The following RIMBP2 variants were observed in gnomAD, a reference collection of about 807,000 sequenced individuals.
RIMBP2 encodes the protein RIMS binding protein 2, also known as RIMS-binding protein 2.
A neutral mutation model predicts 118.6 loss-of-function variants in RIMBP2; 48 were observed. That is an observed-to-expected ratio of 0.40 (90% CI 0.32 to 0.51). RIMBP2 has a LOEUF of 0.51. Ranked by LOEUF, RIMBP2 falls within the 20% of genes least tolerant of loss-of-function variation. The probability of loss-of-function intolerance (pLI) is 0.41; values close to 1 mark genes in which losing one functional copy is unlikely to be tolerated. For missense variants in RIMBP2, 1,551 were observed against 1,768.3 expected (o/e 0.88, Z 2.20); for synonymous variants, 762 against 742.9 (o/e 1.03, Z -0.42).
chr12:130,651,058 T>C lies in RIMBP2; in HGVS notation c.-351-22602A>G, dbSNP rs144665750. ...GCTGAGAAAGCTTCCGAGCCACTTA[T>C]TTCTGTTGAGAATGAAGAACTACAG... On this transcript the variant is annotated intron_variant, in intron 1 of 22. Coordinates refer to ENST00000690449, the MANE Select transcript of RIMBP2 (RefSeq NM_001393629.1). Among the ~76,000 whole-genome samples the C allele has an allele frequency of 2.5e-3, 378 of 152,104 alleles. 3 individuals are homozygous for C. The highest frequency in any genetic ancestry group is 1.9e-3 in the Non-Finnish European group (131 of 67,994).
chr12:130,682,126 T>C (rs1007780276), intron 1 of RIMBP2, among the ~76,000 whole-genome samples: 4 of 152,178 alleles, frequency 2.6e-5, no homozygotes, highest in Non-Finnish European at 4.4e-5. Flanking sequence ...CTCCCAGCCC[T>C]TGTCCCGTAT....
chr12:130,618,742 TA>T (rs1440379040), intron 2 of RIMBP2, among the ~76,000 whole-genome samples: 2 of 152,084 alleles, frequency 1.3e-5, no homozygotes, highest in African/African-American at 4.8e-5. Flanking sequence ...GTAATGTAAA[TA>T]ATCTTAAAGT....
At chr12:130,439,841 ATC>A (rs2077957094) in intron 11 of RIMBP2, among the ~76,000 whole-genome samples, 5 of 62,874 alleles carry the variant, frequency 8.0e-5, no homozygotes, top group African/African-American at 1.4e-4. Context: ...GTGTATGTGT[ATC>A]TGTGAGTCTG....
At chr12:130,474,186 G>A (rs929576334) in intron 5 of RIMBP2, among the ~76,000 whole-genome samples, 10 of 152,112 alleles carry the variant, frequency 6.6e-5, no homozygotes. Flanking sequence ...GTGGACCACG[G>A]GCATGTTAGC....
Position 130,442,766 on chromosome 12 carries a change from G to C in RIMBP2, c.692-106C>G. The C allele has an allele frequency of 3.2e-6, 3 of 934,214 alleles. No homozygotes were observed. The highest frequency in any genetic ancestry group is 4.8e-6 in the Non-Finnish European group (3 of 629,612). 57.9% of individuals were successfully genotyped at this position (934,214 alleles called of 1,614,324 possible). On this transcript the variant is annotated intron_variant, in intron 10 of 22. Coordinates refer to ENST00000690449, the MANE Select transcript of RIMBP2 (RefSeq NM_001393629.1). The surrounding 1 kb of genome is among the most constrained non-coding windows in gnomAD (Gnocchi z 6.9). ...ACCAGGACCATAAGGCAGAGCAACA[G>C]GGTTGCCCTGGGGCTCCTCCGCTGT...
At chr12:130,530,811 G>A (rs2053291768) in intron 2 of RIMBP2, among the ~76,000 whole-genome samples, 2 of 152,154 alleles carry the variant, frequency 1.3e-5, no homozygotes. Context: ...TTCCAACCTA[G>A]GGGTTTTTCT....
chr12:130,486,323 CCT>C (rs781504478), intron 4 of RIMBP2, among the ~76,000 whole-genome samples: 29 of 151,690 alleles, frequency 1.9e-4, no homozygotes, highest in East Asian at 7.8e-4. Context: ...GGTCTCTCCC[CCT>C]GACCTCTGCA....
At chr12:130,526,553 G>C (rs982206526) in intron 2 of RIMBP2, among the ~76,000 whole-genome samples, 1 of 152,144 alleles carries the variant, frequency 6.6e-6, no homozygotes, top group Non-Finnish European at 1.5e-5. Context: ...GCGAGTTTGG[G>C]TTTTGAATTT....
intron 16 of RIMBP2, among the ~76,000 whole-genome samples, chr12:130,423,656 C>CAAAAAAA (rs36000671): frequency 4.0e-5 from 2 of 50,130 alleles, no homozygotes; most frequent in Non-Finnish European, 7.0e-5. Context: ...AAACAATATG[C>CAAAAAAA]AAAAAAAAAA....
chr12:130,468,879 G>GC (rs1209393165), intron 6 of RIMBP2: 4 of 152,218 alleles, frequency 2.6e-5, no homozygotes, highest in African/African-American at 9.7e-5. Flanking sequence ...GACGGGAAGA[G>GC]CCATGTGTCT....
intron 2 of RIMBP2, among the ~76,000 whole-genome samples, chr12:130,614,685 G>A (rs2060790181): frequency 6.6e-6 from 1 of 152,148 alleles, no homozygotes; most frequent in South Asian, 2.1e-4. Context: ...TTGCAGGTCT[G>A]CAGAGGAACA....
Position 130,422,589 on chromosome 12 carries a change from A to T in RIMBP2, c.3130-28T>A, listed in dbSNP as rs752075716. The T allele has an allele frequency of 1.3e-6, 2 of 1,504,278 alleles. No individual in the cohort carries two copies. The highest frequency in any genetic ancestry group is 4.6e-5 in the East Asian group (2 of 43,246). 93.2% of individuals were successfully genotyped at this position (1,504,278 alleles called of 1,614,324 possible). A position where few individuals can be genotyped will look rare whatever the true frequency, so the allele number is the denominator to read the frequency against. On this transcript the variant is annotated intron_variant, in intron 16 of 22. Coordinates refer to ENST00000690449, the MANE Select transcript of RIMBP2 (RefSeq NM_001393629.1). This position sits in a 1 kb window ranked among gnomAD's most constrained non-coding sequence, Gnocchi z 5.2. ...AAAGACAAAACAACAACAAAGTCGT[A>T]AGTCTCGCCAGCATTGGGAACTGAA... is the stretch of plus-strand genomic sequence containing the variant.
chr12:130,447,995 C>A lies in RIMBP2; in HGVS notation c.581+2205G>T, dbSNP rs1158940136. Among the ~76,000 whole-genome samples, 1 of 152,066 alleles carries A rather than the reference C, an allele frequency of 6.6e-6. No individual in the cohort carries two copies. Among genetic ancestry groups the A allele is most frequent in the Non-Finnish European group, 1.5e-5 (1 of 68,004 alleles). ...GGCAGAAAACATAACCCCCTCCCTACATCTACCTGCAAAGCCACCTCTTAG... is the reference window on the plus strand; with the variant it reads ...GGCAGAAAACATAACCCCCTCCCTAAATCTACCTGCAAAGCCACCTCTTAG... On this transcript the variant is annotated intron_variant, in intron 9 of 22. Transcript: ENST00000690449. This position sits in a 1 kb window ranked among gnomAD's most constrained non-coding sequence, Gnocchi z 4.4.
chr12:130,585,260 G>A (rs2058809619), intron 2 of RIMBP2, among the ~76,000 whole-genome samples: 1 of 152,118 alleles, frequency 6.6e-6, no homozygotes, highest in Admixed American at 6.5e-5. Context: ...GAGTGAGAAG[G>A]GGAGGGTCCT....
chr12:130,714,160 G>A (rs1950162112), intron 1 of RIMBP2, among the ~76,000 whole-genome samples: 1 of 152,342 alleles, frequency 6.6e-6, no homozygotes, highest in South Asian at 2.1e-4. Flanking sequence ...AATGGAAAGC[G>A]AAGCAAGCTC....
At chr12:130,463,905 A>G (rs2080226727) in intron 6 of RIMBP2, among the ~76,000 whole-genome samples, 1 of 151,532 alleles carries the variant, frequency 6.6e-6, no homozygotes, top group Admixed American at 6.6e-5. Flanking sequence ...AAGATGGCAA[A>G]GAGAGTGACC....
At chr12:130,500,090 T>C (rs896025707) in intron 4 of RIMBP2, among the ~76,000 whole-genome samples, 1 of 152,184 alleles carries the variant, frequency 6.6e-6, no homozygotes, top group Non-Finnish European at 1.5e-5. Context: ...AATCTGTATA[T>C]CTGGACATAC....
intron 3 of RIMBP2, among the ~76,000 whole-genome samples, chr12:130,515,879 G>T (rs1216445051): frequency 6.6e-6 from 1 of 151,976 alleles, no homozygotes; most frequent in Non-Finnish European, 1.5e-5. Context: ...TGTATTTTTA[G>T]TAGAGATGGG....
chr12:130,423,236 G>A (rs1266538944), intron 16 of RIMBP2, among the ~76,000 whole-genome samples: 1 of 152,196 alleles, frequency 6.6e-6, no homozygotes, highest in Non-Finnish European at 1.5e-5. Flanking sequence ...AAGTTCTCAG[G>A]AACACAGGCA....
Sources: allele counts gnomAD v4.1 joint callset (sites outside exome capture counted in the v4.1 genomes callset), GRCh38; gene constraint gnomAD v4.1.1; non-coding constraint Gnocchi (gnomAD v3.1); transcripts MANE v1.5; gene names NCBI Gene and HGNC (gene_info 2026-07-23, HGNC 2026-07-21).